SEM1: variants seen among roughly 807,000 people sequenced by gnomAD.
The protein encoded by SEM1 is 26S proteasome complex subunit SEM1.
Under a neutral mutation model 12.7 loss-of-function variants are expected in SEM1, and 3 were observed. The ratio of observed to expected loss-of-function variants is 0.24; its 90% CI spans 0.11 to 0.61. SEM1 has a LOEUF of 0.61. Among genes scored for constraint, SEM1 ranks in the 20% least tolerant of loss-of-function variants. The pLI is 0.88. For missense variants in SEM1, 59 were observed against 81.3 expected (o/e 0.73, Z 1.06); for synonymous variants, 30 against 27.8 (o/e 1.08, Z -0.25).
chr7:96,484,770 C>G, intron 3 of SEM1: 1 of 1,129,370 alleles, frequency 8.9e-7, no homozygotes, highest in Non-Finnish European at 1.2e-6. Context: ...TAAAAATCCT[C>G]TCACCATACA....
At chr7:96,552,812 CA>C (rs1291258239) in intron 2 of SEM1, among the ~76,000 whole-genome samples, 1 of 151,886 alleles carries the variant, frequency 6.6e-6, no homozygotes, top group Non-Finnish European at 1.5e-5. Context: ...GTCCCACCAA[CA>C]GTATAAAAGT....
intron 1 of SEM1, among the ~76,000 whole-genome samples, chr7:96,698,207 A>T (rs1478460325): frequency 2.0e-5 from 3 of 152,120 alleles, no homozygotes; most frequent in Non-Finnish European, 4.4e-5. Flanking sequence ...AAAAAAATAT[A>T]AGTCTGGCAG....
At chr7:96,611,994 C>T (rs1007063203) in intron 2 of SEM1, among the ~76,000 whole-genome samples, 1 of 140,832 alleles carries the variant, frequency 7.1e-6, no homozygotes, top group Admixed American at 6.9e-5. Context: ...CCTTACCCCC[C>T]CAAATAAAAA....
chr7:96,706,026 G>C (rs897572155), intron 1 of SEM1, among the ~76,000 whole-genome samples: 1 of 151,938 alleles, frequency 6.6e-6, no homozygotes, highest in African/African-American at 2.4e-5. Context: ...CCTAATAAAG[G>C]CTGTTCTAAA....
intron 2 of SEM1, among the ~76,000 whole-genome samples, chr7:96,663,248 C>T (rs554216399): frequency 6.6e-6 from 1 of 152,102 alleles, no homozygotes; most frequent in East Asian, 1.9e-4. Context: ...TTACAACTCT[C>T]TTTACTTTTG....
In SEM1 at chr7:96,666,622, C is replaced by A. The variant is rs140868305; in HGVS notation, c.170+28176G>T. ...TACCTTTCCAAGAATTGCTTGAATGCTGCTATTGAATCCAATTTTTTTTTT... is the reference window on the plus strand; with the variant it reads ...TACCTTTCCAAGAATTGCTTGAATGATGCTATTGAATCCAATTTTTTTTTT... On this transcript the variant is annotated intron_variant, in intron 2 of 2. Coordinates refer to the SEM1 transcript ENST00000417009. 3.1e-3 allele frequency among the ~76,000 whole-genome samples: 462 copies of A among 148,948 alleles called. 1 individual carries two copies. The highest frequency in any genetic ancestry group is 0.017 in the Middle Eastern group (5 of 288).
intron 3 of SEM1, among the ~76,000 whole-genome samples, chr7:96,504,970 G>A (rs1300038886): frequency 6.6e-6 from 1 of 151,836 alleles, no homozygotes; most frequent in Non-Finnish European, 1.5e-5. Flanking sequence ...TCTTGCATAT[G>A]CTTTTCTTCT....
intron 2 of SEM1, among the ~76,000 whole-genome samples, chr7:96,511,852 C>A (rs1803944422): frequency 6.6e-6 from 1 of 152,004 alleles, no homozygotes; most frequent in Non-Finnish European, 1.5e-5. Flanking sequence ...ACCTACTGAC[C>A]ATTGTTTTCA....
In SEM1 at chr7:96,645,083, C is replaced by A. The variant is rs1053062952; in HGVS notation, c.171-22440G>T. 2.0e-5 allele frequency among the ~76,000 whole-genome samples: 3 copies of A among 151,832 alleles called. No individual in the cohort carries two copies. In the East Asian group the frequency reaches 5.8e-4, roughly 29 times the overall value. The stretch of plus-strand genomic sequence containing the variant: ...ATATTCTTTCTGTTTTTCTTAATGC[C>A]ATCTTTATACTTTTTATCATACAGA... On this transcript the variant is annotated intron_variant, in intron 2 of 2. Coordinates refer to the SEM1 transcript ENST00000417009.
At chr7:96,483,711 AC>A (rs1259892890) in exon 4 of SEM1, 16 of 979,408 alleles carry the variant, frequency 1.6e-5, no homozygotes, top group East Asian at 2.6e-5. Context: ...TTGTCATGTG[AC>A]CCACCCAGCC....
Position 96,540,293 on chromosome 7 carries a change from A to G in SEM1, c.171-33595T>C, listed in dbSNP as rs73708340. Among the ~76,000 whole-genome samples the G allele has an allele frequency of 2.3e-3, 350 of 151,848 alleles. 4 individuals are homozygous for G. The highest frequency in any genetic ancestry group is 7.8e-3 in the African/African-American group (323 of 41,510). ...GGATATTTAGGGAAAAGAAATCAAG[A>G]CAATGTCGGGTTCACACAATACACA... is the stretch of plus-strand genomic sequence containing the variant. On this transcript the variant is annotated intron_variant and NMD_transcript_variant, in intron 2 of 3. Transcript: ENST00000466986.
chr7:96,518,199 G>A (rs62470050), intron 2 of SEM1, among the ~76,000 whole-genome samples: 22,669 of 152,092 alleles, frequency 0.15, 1,745 homozygotes, highest in Middle Eastern at 0.26. Context: ...TGTATTGAAG[G>A]TATAGTGTTG....
At chr7:96,549,021 A>G (rs1805186076) in intron 2 of SEM1, among the ~76,000 whole-genome samples, 1 of 152,160 alleles carries the variant, frequency 6.6e-6, no homozygotes, top group Admixed American at 6.5e-5. Flanking sequence ...TGTCTAGGGA[A>G]GAAGTGGCAG....
At chr7:96,699,166 A>C (rs971371001) in intron 1 of SEM1, among the ~76,000 whole-genome samples, 5 of 151,842 alleles carry the variant, frequency 3.3e-5, no homozygotes, top group Admixed American at 2.0e-4. Context: ...CAAAATCACA[A>C]CCCCAGATTT....
At chr7:96,589,420 C>T (rs1371846952) in intron 2 of SEM1, among the ~76,000 whole-genome samples, 2 of 152,084 alleles carry the variant, frequency 1.3e-5, no homozygotes, top group East Asian at 1.9e-4. Context: ...AAGTGTAAGA[C>T]CACATAAGTA....
intron 2 of SEM1, among the ~76,000 whole-genome samples, chr7:96,553,229 T>C (rs1416967147): frequency 6.7e-6 from 1 of 150,310 alleles, no homozygotes; most frequent in Admixed American, 6.6e-5. Flanking sequence ...TTGTCTTTTG[T>C]TGCCATTGCT....
At chr7:96,601,815 T>C (rs1807208087) in intron 2 of SEM1, among the ~76,000 whole-genome samples, 1 of 151,722 alleles carries the variant, frequency 6.6e-6, no homozygotes, top group African/African-American at 2.4e-5. Context: ...CAGAAATCTT[T>C]TGAAGTACTG....
At chr7:96,535,772 G>C (rs1487999673) in intron 2 of SEM1, among the ~76,000 whole-genome samples, 1 of 151,840 alleles carries the variant, frequency 6.6e-6, no homozygotes, top group Admixed American at 6.6e-5. Flanking sequence ...CATCCGTGTT[G>C]CTGTAAAGGA....
chr7:96,485,643 A>G (rs146998899), intron 2 of SEM1, among the ~76,000 whole-genome samples: 1 of 144,904 alleles, frequency 6.9e-6, no homozygotes, highest in African/African-American at 2.6e-5. Flanking sequence ...CCTGGGTTCA[A>G]GTGATTATCC....
Sources: gnomAD v4.1 joint callset for allele counts (sites outside exome capture counted in the v4.1 genomes callset) on GRCh38, gnomAD v4.1.1 for gene constraint, MANE v1.5 for transcripts, NCBI Gene and HGNC (gene_info 2026-07-23, HGNC 2026-07-21) for gene names.